XKR9: variants seen among roughly 807,000 people sequenced by gnomAD.
XKR9 encodes the protein XK related 9, also known as XK-related protein 9.
A neutral mutation model predicts 32.0 loss-of-function variants in XKR9; 32 were observed. The ratio of observed to expected loss-of-function variants is 1.00; its 90% CI spans 0.76 to 1.34. XKR9 has a LOEUF of 1.34. Among genes scored for constraint, XKR9 ranks in the 40% most tolerant of loss-of-function variants. The pLI is 0.00. For missense variants in XKR9, 546 were observed against 429.7 expected, an observed-to-expected ratio of 1.27 and a Z score of -2.39; for synonymous variants, 168 against 143.4, an observed-to-expected ratio of 1.17 and a Z score of -1.22.
chr8:70,864,978 A>G, the XKR9 span, among the ~76,000 whole-genome samples: 6 of 152,212 alleles, frequency 3.9e-5, no homozygotes, highest in African/African-American at 1.2e-4. Context: ...GCAAGGAAGC[A>G]TAATATCTTC....
chr8:70,691,062 C>A (rs539257165), intron 3 of XKR9, among the ~76,000 whole-genome samples: 2 of 152,270 alleles, frequency 1.3e-5, no homozygotes, highest in Admixed American at 1.3e-4. Flanking sequence ...TCCACAACCT[C>A]GCCAGCATCT....
At chr8:70,971,889 A>G in the XKR9 span, among the ~76,000 whole-genome samples, 1 of 152,144 alleles carries the variant, frequency 6.6e-6, no homozygotes, top group Non-Finnish European at 1.5e-5. Flanking sequence ...GAAGTTGGGT[A>G]CTGTGATGCC....
chr8:70,992,909 A>G, the XKR9 span, among the ~76,000 whole-genome samples: 51 of 152,342 alleles, frequency 3.3e-4, 1 homozygote, highest in South Asian at 9.9e-3. Context: ...TGTCTTCTTC[A>G]GATATTAAGT....
At chr8:70,800,072 G>C in the XKR9 span, among the ~76,000 whole-genome samples, 3 of 152,164 alleles carry the variant, frequency 2.0e-5, no homozygotes, top group Non-Finnish European at 4.4e-5. Context: ...TAACATGAAG[G>C]AATGTTTAAT....
chr8:70,962,771 A>G, the XKR9 span, among the ~76,000 whole-genome samples: 1 of 152,180 alleles, frequency 6.6e-6, no homozygotes, highest in South Asian at 2.1e-4. Flanking sequence ...GAAGCATTTG[A>G]AATGAAGGAT....
the XKR9 span, among the ~76,000 whole-genome samples, chr8:70,999,116 T>G: frequency 2.0e-5 from 3 of 152,178 alleles, no homozygotes; most frequent in African/African-American, 7.2e-5. Flanking sequence ...TAAATGTTAG[T>G]GGGAACACAT....
chr8:70,779,688 T>G (rs1338219296), intron 2 of XKR9, among the ~76,000 whole-genome samples: 1 of 152,024 alleles, frequency 6.6e-6, no homozygotes, highest in African/African-American at 2.4e-5. Context: ...CTTGGGAGGG[T>G]GTGTGTGTCC....
the XKR9 span, among the ~76,000 whole-genome samples, chr8:70,837,082 A>T: frequency 6.6e-6 from 1 of 152,082 alleles, no homozygotes; most frequent in East Asian, 1.9e-4. Context: ...GTCTATGACG[A>T]GCGGGTTACA....
chr8:70,879,589 C>A, the XKR9 span, among the ~76,000 whole-genome samples: 4 of 151,896 alleles, frequency 2.6e-5, no homozygotes, highest in African/African-American at 9.7e-5. Flanking sequence ...ACACATACAC[C>A]CTCCCAAGAC....
chr8:71,065,178 T>C, the XKR9 span, among the ~76,000 whole-genome samples: 5 of 152,196 alleles, frequency 3.3e-5, no homozygotes, highest in Admixed American at 3.3e-4. Context: ...GACTGAATTG[T>C]GTTCCCCAAA....
intron 3 of XKR9, among the ~76,000 whole-genome samples, chr8:70,700,012 G>A (rs989651986): frequency 4.6e-5 from 7 of 151,988 alleles, no homozygotes; most frequent in South Asian, 2.1e-4. Context: ...CGTAGTTCTC[G>A]AGCCTTGGCT....
chr8:70,993,173 A>G, the XKR9 span, among the ~76,000 whole-genome samples: 9 of 151,732 alleles, frequency 5.9e-5, no homozygotes, highest in East Asian at 1.7e-3. Context: ...TAAAAGTTAG[A>G]ACCCTAGAGT....
At chr8:70,760,112 T>C (rs1807287871) in intron 2 of XKR9, among the ~76,000 whole-genome samples, 1 of 152,240 alleles carries the variant, frequency 6.6e-6, no homozygotes, top group Non-Finnish European at 1.5e-5. Context: ...TATTCAGTTA[T>C]CAAATTAGCG....
At chr8:70,898,067 C>A in the XKR9 span, among the ~76,000 whole-genome samples, 1 of 152,112 alleles carries the variant, frequency 6.6e-6, no homozygotes, top group Non-Finnish European at 1.5e-5. Context: ...AGTCTGTAAT[C>A]CATTTTGATT....
In XKR9 at chr8:70,734,430, T is replaced by A; in HGVS notation, c.*6T>A. The stretch of plus-strand genomic sequence containing the variant: ...GATATTTCCTAATGGAATAAGCTAT[T>A]CATTTATGATATATATTTTCTTATA... On this transcript the variant is annotated 3_prime_UTR_variant, in exon 5 of 5. Coordinates refer to ENST00000408926, the MANE Select transcript of XKR9 (RefSeq NM_001011720.2). 1 of 1,523,010 alleles carries A rather than the reference T, an allele frequency of 6.6e-7. No individual in the cohort carries two copies. Among genetic ancestry groups the A allele is most frequent in the African/African-American group, 1.4e-5 (1 of 71,766 alleles). 94.3% of individuals were successfully genotyped at this position (1,523,010 alleles called of 1,614,324 possible). A position where few individuals can be genotyped will look rare whatever the true frequency, so the allele number is the denominator to read the frequency against.
intron 4 of XKR9, among the ~76,000 whole-genome samples, chr8:70,725,398 C>A (rs1307320356): frequency 6.6e-6 from 1 of 151,926 alleles, no homozygotes; most frequent in African/African-American, 2.4e-5. Context: ...AATAGGAAAT[C>A]AATAAACAGT....
At chr8:70,885,401 CA>C in the XKR9 span, among the ~76,000 whole-genome samples, 8 of 152,104 alleles carry the variant, frequency 5.3e-5, no homozygotes, top group Admixed American at 1.3e-4. Flanking sequence ...TGTCAATATA[CA>C]TTTTTTTAAA....
chr8:70,993,601 T>TC, the XKR9 span, among the ~76,000 whole-genome samples: 3,693 of 105,186 alleles, frequency 0.035, 205 homozygotes, highest in Middle Eastern at 0.04. Context: ...TCATAGGACA[T>TC]CTTCCTTCCT....
chr8:70,682,658 G>T (rs1819122793), intron 3 of XKR9, among the ~76,000 whole-genome samples: 1 of 123,628 alleles, frequency 8.1e-6, no homozygotes, highest in South Asian at 2.2e-4. Flanking sequence ...TTGGTTTGTA[G>T]TTTCTAGGGA....
Sources: gnomAD v4.1 joint callset for allele counts (sites outside exome capture counted in the v4.1 genomes callset) on GRCh38, gnomAD v4.1.1 for gene constraint, MANE v1.5 for transcripts, NCBI Gene and HGNC (gene_info 2026-07-23, HGNC 2026-07-21) for gene names.